Variants in EPB41L4A observed in about 807,000 individuals in gnomAD.
EPB41L4A encodes erythrocyte membrane protein band 4.1 like 4A, also known as band 4.1-like protein 4A.
In EPB41L4A, 100 loss-of-function variants were observed where a neutral mutation model predicts 108.6. That is an observed-to-expected ratio of 0.92 (90% CI 0.78 to 1.09). EPB41L4A has a LOEUF of 1.09. EPB41L4A is among the 50% of genes least tolerant of loss of function. The probability of loss-of-function intolerance (pLI) is 0.00; values close to 1 mark genes in which losing one functional copy is unlikely to be tolerated. For missense variants in EPB41L4A, 1,030 were observed against 842.7 expected (o/e 1.22, Z -2.75); for synonymous variants, 319 against 289.0 (o/e 1.10, Z -1.05).
At chr5:112,301,954 A>G (rs148183090) in intron 2 of EPB41L4A, among the ~76,000 whole-genome samples, 1 of 152,068 alleles carries the variant, frequency 6.6e-6, no homozygotes, top group Non-Finnish European at 1.5e-5. Flanking sequence ...GTAGAATAGG[A>G]ATACAAGTTT....
At position 112,240,801 on chromosome 5, in the gene EPB41L4A, T is replaced by C. The variant is rs1403124816; in HGVS notation, c.805A>G (p.Thr269Ala). 3 of 1,586,984 alleles carry C rather than the reference T, an allele frequency of 1.9e-6. No homozygotes were observed. The highest frequency in any genetic ancestry group is 2.3e-5 in the South Asian group (2 of 85,378). The change falls in exon 10 of 23, where the codon ACC (threonine) becomes GCC (alanine). Residue 269 changes from threonine (T) to alanine (A), a missense_variant. Transcript: ENST00000261486. Reference sequence around the variant, plus strand: ...CTCCGAGCTTCAAAAAAGAATGAGGTTTCGTTACACTAAGAGAGAAAGAGA... The same window carrying C: ...CTCCGAGCTTCAAAAAAGAATGAGGCTTCGTTACACTAAGAGAGAAAGAGA... ...LRVLGKDCNE[T>A]SFFFEARSKT... is the part of the protein sequence containing the mutation.
intron 4 of EPB41L4A, among the ~76,000 whole-genome samples, chr5:112,274,074 A>C (rs1752452039): frequency 6.6e-6 from 1 of 152,028 alleles, no homozygotes; most frequent in Non-Finnish European, 1.5e-5. Context: ...GGATTGCTAG[A>C]AGCCAGCAGT....
At chr5:112,393,769 C>T (rs1171816647) in intron 1 of EPB41L4A, among the ~76,000 whole-genome samples, 1 of 152,122 alleles carries the variant, frequency 6.6e-6, no homozygotes, top group Non-Finnish European at 1.5e-5. Flanking sequence ...ATACCAAAGC[C>T]TGGCAGAGAC....
At chr5:112,352,678 T>C (rs995168079) in intron 1 of EPB41L4A, among the ~76,000 whole-genome samples, 4 of 152,210 alleles carry the variant, frequency 2.6e-5, no homozygotes, top group African/African-American at 9.6e-5. Context: ...CTTCCTTTCT[T>C]ATTATTATCA....
At chr5:112,142,075 C>T (rs77783500), downstream of EPB41L4A, among the ~76,000 whole-genome samples, 7,956 of 152,168 alleles carry the variant, frequency 0.052, 680 homozygotes, top group African/African-American at 0.18. Context: ...CTCTCTGTGC[C>T]TTGTCTCTCT....
intron 1 of EPB41L4A, among the ~76,000 whole-genome samples, chr5:112,343,011 G>C (rs969982670): frequency 3.9e-5 from 6 of 152,170 alleles, no homozygotes; most frequent in African/African-American, 1.4e-4. Flanking sequence ...GTCATATTCA[G>C]AATGTGGCCG....
chr5:112,398,984 A>G (rs1010335994), intron 1 of EPB41L4A, among the ~76,000 whole-genome samples: 1 of 152,066 alleles, frequency 6.6e-6, no homozygotes, highest in South Asian at 2.1e-4. Context: ...CAGAGAAATG[A>G]GAAGTTAGCC....
intron 1 of EPB41L4A, among the ~76,000 whole-genome samples, chr5:112,381,578 T>G (rs1760177549): frequency 6.6e-6 from 1 of 152,252 alleles, no homozygotes; most frequent in Non-Finnish European, 1.5e-5. Flanking sequence ...GGAAGCATAT[T>G]AATATCTCAC....
intron 2 of EPB41L4A, among the ~76,000 whole-genome samples, chr5:112,289,218 G>A (rs182699411): frequency 2.0e-5 from 3 of 152,200 alleles, no homozygotes; most frequent in East Asian, 1.9e-4. Flanking sequence ...AAAGAGTCTC[G>A]TATGCATAAT....
chr5:112,383,956 AC>A (rs1288022716), intron 1 of EPB41L4A, among the ~76,000 whole-genome samples: 1 of 152,234 alleles, frequency 6.6e-6, no homozygotes, highest in Non-Finnish European at 1.5e-5. Context: ...AAGTACTGAT[AC>A]CTATTATATT....
intron 1 of EPB41L4A, among the ~76,000 whole-genome samples, chr5:112,323,997 A>G: frequency 6.6e-6 from 1 of 152,178 alleles, no homozygotes. Context: ...TTTTTTCAAC[A>G]TGCAAGAACT....
At chr5:112,386,101 A>G (rs1760507775) in intron 1 of EPB41L4A, among the ~76,000 whole-genome samples, 1 of 152,244 alleles carries the variant, frequency 6.6e-6, no homozygotes, top group South Asian at 2.1e-4. Flanking sequence ...GATGCACTGC[A>G]TCCTTTCAGC....
intron 18 of EPB41L4A, among the ~76,000 whole-genome samples, chr5:112,182,589 A>G (rs1761212387): frequency 6.6e-6 from 1 of 152,192 alleles, no homozygotes; most frequent in African/African-American, 2.4e-5. Flanking sequence ...AGTTAGAAAA[A>G]CTGAATGCTG....
Position 112,419,239 on chromosome 5 carries a change from T to G in EPB41L4A, c.-200A>C. 2.3e-6 allele frequency: 1 copy of G among 426,142 alleles called. No homozygotes were observed. Among genetic ancestry groups the G allele is most frequent in the Non-Finnish European group, 4.2e-6 (1 of 240,658 alleles). The allele number at this position is 426,142 out of a possible 1,614,324, so 26.4% of individuals were successfully genotyped here. A position where few individuals can be genotyped will look rare whatever the true frequency, so the allele number is the denominator to read the frequency against. ...AGAAAGGCGGAAAAGCCCGGGAGAG[T>G]CAGCGCCCGGGAGCCGCCGGGGAAG... On this transcript the variant is annotated 5_prime_UTR_variant, in exon 1 of 23. Transcript: ENST00000261486.
chr5:112,204,839 T>C (rs886404734), intron 14 of EPB41L4A, among the ~76,000 whole-genome samples: 30 of 152,334 alleles, frequency 2.0e-4, no homozygotes, highest in Admixed American at 1.1e-3. Context: ...CTAATCTTCA[T>C]ATCAGCCTTC....
At chr5:112,416,543 T>C (rs113412051) in intron 1 of EPB41L4A, among the ~76,000 whole-genome samples, 1,739 of 152,296 alleles carry the variant, frequency 0.011, 31 homozygotes, top group African/African-American at 0.038. Flanking sequence ...AGTAGGCTAA[T>C]TGATGTTGCC....
chr5:112,407,326 T>C (rs773466195), intron 1 of EPB41L4A, among the ~76,000 whole-genome samples: 1 of 152,162 alleles, frequency 6.6e-6, no homozygotes, highest in Non-Finnish European at 1.5e-5. Context: ...TTTCCTACAA[T>C]TTCCCTCAGT....
intron 22 of EPB41L4A, among the ~76,000 whole-genome samples, chr5:112,166,492 C>T (rs1231439842): frequency 6.6e-6 from 1 of 152,194 alleles, no homozygotes; most frequent in Non-Finnish European, 1.5e-5. Flanking sequence ...CCCTACATTC[C>T]TCACTCTGAT....
chr5:112,301,031 A>G (rs1038905150), intron 2 of EPB41L4A, among the ~76,000 whole-genome samples: 7 of 152,072 alleles, frequency 4.6e-5, no homozygotes, highest in Admixed American at 3.3e-4. Flanking sequence ...TATTTCACTG[A>G]AGATTCCTCC....
Sources: allele counts gnomAD v4.1 joint callset (sites outside exome capture counted in the v4.1 genomes callset), GRCh38; gene constraint gnomAD v4.1.1; transcripts MANE v1.5; gene names NCBI Gene and HGNC (gene_info 2026-07-23, HGNC 2026-07-21).